Variants in FAM241B observed in about 807,000 individuals in gnomAD.
FAM241B encodes the protein protein FAM241B.
FAM241B carries 7 observed loss-of-function variants against 9.3 expected under a neutral mutation model. That is an observed-to-expected ratio of 0.75 (90% CI 0.43 to 1.41). The LOEUF is 1.41. Ranked by LOEUF, FAM241B falls within the 40% of genes most tolerant of loss-of-function variation. The pLI, the probability that FAM241B is intolerant of heterozygous loss-of-function variation, is 0.01. For missense variants in FAM241B, 136 were observed against 159.6 expected (o/e 0.85, Z 0.80); for synonymous variants, 60 against 64.1 (o/e 0.94, Z 0.31).
Position 69,633,275 on chromosome 10 carries a change from C to G in FAM241B, c.*216C>G. 1.5e-6 allele frequency: 1 copy of G among 651,700 alleles called. No individual in the cohort carries two copies. The highest frequency in any genetic ancestry group is 2.0e-5 in the South Asian group (1 of 51,020). The allele number at this position is 651,700 out of a possible 1,614,324, so 40.4% of individuals were successfully genotyped here. On this transcript the variant is annotated 3_prime_UTR_variant, in exon 4 of 4. Coordinates refer to ENST00000373279, the MANE Select transcript of FAM241B (RefSeq NM_145306.3). ...GGTGGGTCCGTTGGTTCCCAAGATACTTTTAGGTGGTATGGGGCCTGCATT... is the reference window on the plus strand; with the variant it reads ...GGTGGGTCCGTTGGTTCCCAAGATAGTTTTAGGTGGTATGGGGCCTGCATT...
At position 69,633,011 on chromosome 10, in the gene FAM241B, C is replaced by T. The variant is rs1839858640; in HGVS notation, c.318C>T (p.Leu106=). Reference sequence around the variant, plus strand: ...TCATGATGCTTGGTGTTCGTGGCCTCCTCCTGGTTGGCCTTGTCTACCTGG... The same window carrying T: ...TCATGATGCTTGGTGTTCGTGGCCTTCTCCTGGTTGGCCTTGTCTACCTGG... ...FLLMMLGVRG[L]LLVGLVYLVS... The change falls in exon 4 of 4, where the codon CTC becomes CTT. Residue 106 remains leucine, a synonymous_variant. Coordinates refer to ENST00000373279, the MANE Select transcript of FAM241B (RefSeq NM_145306.3). 1.2e-6 allele frequency: 2 copies of T among 1,614,228 alleles called. No homozygotes were observed. Among genetic ancestry groups the T allele is most frequent in the Non-Finnish European group, 1.7e-6 (2 of 1,180,048 alleles).
intron 3 of FAM241B, among the ~76,000 whole-genome samples, chr10:69,632,472 AAAAAAAAAG>A (rs1236277367): frequency 6.6e-6 from 1 of 151,702 alleles, no homozygotes; most frequent in East Asian, 1.9e-4. Flanking sequence ...AAAAAAAAAA[AAAAAAAAAG>A]AAAGGAGTGA....
intron 1 of FAM241B, chr10:69,630,647 T>G (rs1564645556): frequency 7.7e-7 from 1 of 1,299,714 alleles, no homozygotes; most frequent in Admixed American, 2.3e-5. Context: ...ATGTCACCAG[T>G]GCTATCTGGA....
Position 69,633,386 on chromosome 10 carries a change from A to T in FAM241B, c.*327A>T, listed in dbSNP as rs115307239. On this transcript the variant is annotated 3_prime_UTR_variant, in exon 4 of 4. Transcript: ENST00000373279. ...GCCGAGAAGATCTCAGCTGGATGCC[A>T]ACATGTTCCGATGCCTGTGGAAGAC... The T allele has an allele frequency of 2.7e-6, 1 of 371,744 alleles. No individual in the cohort carries two copies. The highest frequency in any genetic ancestry group is 4.9e-6 in the Non-Finnish European group (1 of 202,430). The allele number at this position is 371,744 out of a possible 1,614,324, so 23.0% of individuals were successfully genotyped here. A position where few individuals can be genotyped will look rare whatever the true frequency, so the allele number is the denominator to read the frequency against.
rs781247364 is a variant in FAM241B at position 69,632,886 on chromosome 10, A to G, written c.193A>G (p.Asn65Asp). 9.3e-6 allele frequency: 15 copies of G among 1,614,074 alleles called. No homozygotes were observed. Among genetic ancestry groups the G allele is most frequent in the Non-Finnish European group, 8.5e-6 (10 of 1,180,026 alleles). The change falls in exon 4 of 4, where the codon AAT becomes GAT. Residue 65 changes from asparagine to aspartate, a missense_variant. By Grantham distance (23) the Asn-to-Asp change is conservative. Coordinates refer to ENST00000373279, the MANE Select transcript of FAM241B (RefSeq NM_145306.3). ...ARLGAAQSPF[N>D]DLNRQLVNMG... Reference sequence around the variant, plus strand: ...GCTGGGTGCTGCTCAGTCCCCCTTCAATGACCTCAACCGGCAGCTGGTGAA... The same window carrying G: ...GCTGGGTGCTGCTCAGTCCCCCTTCGATGACCTCAACCGGCAGCTGGTGAA...
At position 69,633,027 on chromosome 10, in the gene FAM241B, G is replaced by T. The variant is rs1839858851; in HGVS notation, c.334G>T (p.Val112Phe). The change falls in exon 4 of 4, where the codon GTC becomes TTC. Residue 112 changes from valine to phenylalanine, a missense_variant. Physicochemically the swap from Val to Phe is conservative, Grantham distance 50. Transcript: ENST00000373279. ...GVRGLLLVGL[V>F]YLVSHLSQR The stretch of plus-strand genomic sequence containing the variant: ...TCGTGGCCTCCTCCTGGTTGGCCTT[G>T]TCTACCTGGTGTCCCACCTGAGTCA... The T allele has an allele frequency of 1.2e-6, 2 of 1,614,218 alleles. No individual in the cohort carries two copies. Among genetic ancestry groups the T allele is most frequent in the Non-Finnish European group, 1.7e-6 (2 of 1,180,050 alleles).
At chr10:69,631,288 G>A (rs1331677045) in intron 1 of FAM241B, among the ~76,000 whole-genome samples, 192 bp from the exon 2 acceptor site, 3 of 152,238 alleles carry the variant, frequency 2.0e-5, no homozygotes, top group Non-Finnish European at 4.4e-5. Context: ...GAGCCTTGCA[G>A]GATGGGCCTT....
rs939783544 is a variant in FAM241B at position 69,633,527 on chromosome 10, A to G, written c.*468A>G. On this transcript the variant is annotated 3_prime_UTR_variant, in exon 4 of 4. Coordinates refer to ENST00000373279, the MANE Select transcript of FAM241B (RefSeq NM_145306.3). ...ATGGTATATTTTTATTGGCTACTTTATTGTTTAGGACAAGTGGTAGTGGCA... is the reference window on the plus strand; with the variant it reads ...ATGGTATATTTTTATTGGCTACTTTGTTGTTTAGGACAAGTGGTAGTGGCA... 3 of 169,178 alleles carry G rather than the reference A, an allele frequency of 1.8e-5. No individual in the cohort carries two copies. Among genetic ancestry groups the G allele is most frequent in the African/African-American group, 7.2e-5 (3 of 41,672 alleles). 10.5% of individuals were successfully genotyped at this position (169,178 alleles called of 1,614,324 possible).
At position 69,633,108 on chromosome 10, in the gene FAM241B, C is replaced by T; in HGVS notation, c.*49C>T. ...GTTTGTTGAGAGGGACTTGCTGGGC[C>T]TTGGTGTGAGAGCAGGCATATTTGG... On this transcript the variant is annotated 3_prime_UTR_variant, in exon 4 of 4. Transcript: ENST00000373279. 12 of 1,603,806 alleles carry T rather than the reference C, an allele frequency of 7.5e-6. No homozygotes were observed. Among genetic ancestry groups the T allele is most frequent in the Non-Finnish European group, 7.7e-6 (9 of 1,174,852 alleles).
Position 69,633,328 on chromosome 10 carries a change from C to A in FAM241B, c.*269C>A. On this transcript the variant is annotated 3_prime_UTR_variant, in exon 4 of 4. Transcript: ENST00000373279. ...GTGGCACAAAATCAGAGCAAGAAAG[C>A]GATGCCCTTCCCAATTCTCTCAATC... 1.9e-6 allele frequency: 1 copy of A among 516,860 alleles called. No homozygotes were observed. The highest frequency in any genetic ancestry group is 2.4e-5 in the South Asian group (1 of 41,502). 32.0% of individuals were successfully genotyped at this position (516,860 alleles called of 1,614,324 possible). A position where few individuals can be genotyped will look rare whatever the true frequency, so the allele number is the denominator to read the frequency against.
chr10:69,631,201 G>A (rs1839813621), intron 1 of FAM241B, among the ~76,000 whole-genome samples: 1 of 152,210 alleles, frequency 6.6e-6, no homozygotes, highest in Non-Finnish European at 1.5e-5. Flanking sequence ...GGCCACTTAA[G>A]TCTCCCTGTG....
intron 1 of FAM241B, chr10:69,630,533 G>T (rs894010138): frequency 4.6e-5 from 40 of 875,342 alleles, no homozygotes; most frequent in Non-Finnish European, 5.9e-5. Flanking sequence ...ACCACCATCC[G>T]CTCGGCCTGC....
rs2133259013 is a variant in FAM241B, at chr10:69,633,189, T to G, written c.*130T>G. 1 of 1,339,878 alleles carries G rather than the reference T, an allele frequency of 7.5e-7. No homozygotes were observed. The highest frequency in any genetic ancestry group is 2.3e-4 in the Middle Eastern group (1 of 4,306). The allele number at this position is 1,339,878 out of a possible 1,614,324, so 83.0% of individuals were successfully genotyped here. ...TCAGAGAGGGGACCACAGGTGTGTG[T>G]TTCCCCTTTGTGTTAAGCGTGAGGC... On this transcript the variant is annotated 3_prime_UTR_variant, in exon 4 of 4. Coordinates refer to ENST00000373279, the MANE Select transcript of FAM241B (RefSeq NM_145306.3).
At chr10:69,631,918 G>T (rs919515914) in intron 3 of FAM241B, 79 bp downstream of exon 3, 1 of 1,537,806 alleles carries the variant, frequency 6.5e-7, no homozygotes, top group African/African-American at 1.4e-5. Context: ...AGTCTCTCTT[G>T]CTGGTCACTA....
At chr10:69,631,686 C>A (rs546309591) in intron 2 of FAM241B, 23 bp from the exon 3 acceptor site, 20 of 1,587,290 alleles carry the variant, frequency 1.3e-5, no homozygotes, top group Non-Finnish European at 1.5e-5. Context: ...CATTAGCCTG[C>A]CCACCCTGAC....
intron 1 of FAM241B, chr10:69,630,750 C>G (rs1589690471): frequency 9.2e-7 from 1 of 1,092,390 alleles, no homozygotes; most frequent in Non-Finnish European, 1.2e-6. Flanking sequence ...GTCCAGGGGT[C>G]CGCGGAGTGG....
In FAM241B at chr10:69,632,838, C is replaced by T. The variant is rs773930460; in HGVS notation, c.145C>T (p.Arg49Cys). The T allele has an allele frequency of 2.2e-5, 35 of 1,613,918 alleles. No individual in the cohort carries two copies. The highest frequency in any genetic ancestry group is 1.6e-4 in the Middle Eastern group (1 of 6,084). ...HGAPPGGPGP[R>C]QQQAGARLGA... ...TGCTCCCCCAGGGGGTCCTGGCCCC[C>T]GCCAGCAGCAGGCAGGTGCCAGGCT... Residue 49 changes from arginine (R) to cysteine (C), a missense_variant, in exon 4 of 4, where the codon CGC becomes TGC. Arg to Cys is a radical substitution (Grantham distance 180, BLOSUM62 -3). Transcript: ENST00000373279.
At chr10:69,630,582 C>G (rs1035423238) in intron 1 of FAM241B, 13 of 1,234,022 alleles carry the variant, frequency 1.1e-5, no homozygotes, top group Non-Finnish European at 1.4e-5. Context: ...ACGCGCCTGT[C>G]CCGGGCTCCA....
chr10:69,630,529 A>G lies in FAM241B; in HGVS notation c.-104+216A>G, dbSNP rs368040246. 783 of 832,850 alleles carry G rather than the reference A, an allele frequency of 9.4e-4. 1 individual carries two copies. The African/African-American group carries it at 0.012, about 13-fold the overall frequency. The allele number at this position is 832,850 out of a possible 1,614,324, so 51.6% of individuals were successfully genotyped here. ...CACAAAGGGACTGCGCGCGACCACCATCCGCTCGGCCTGCGCCAGGGCCAG... is the reference window on the plus strand; with the variant it reads ...CACAAAGGGACTGCGCGCGACCACCGTCCGCTCGGCCTGCGCCAGGGCCAG... On this transcript the variant is annotated intron_variant, in intron 1 of 3. Transcript: ENST00000373279.
Sources: gnomAD v4.1 joint callset for allele counts (sites outside exome capture counted in the v4.1 genomes callset) on GRCh38, gnomAD v4.1.1 for gene constraint, MANE v1.5 for transcripts, NCBI Gene and HGNC (gene_info 2026-07-23, HGNC 2026-07-21) for gene names.